The following RHBDL3 variants were observed in gnomAD, a reference collection of about 807,000 sequenced individuals.
RHBDL3 encodes the protein rhomboid-related protein 3.
Under a neutral mutation model 48.2 loss-of-function variants are expected in RHBDL3, and 28 were observed. The ratio of observed to expected loss-of-function variants is 0.58; its 90% CI spans 0.43 to 0.80. The LOEUF (loss-of-function observed/expected upper bound fraction) is 0.80. RHBDL3 is among the 30% of genes least tolerant of loss of function. The pLI is 0.00. For synonymous variants in RHBDL3, 208 were observed against 232.3 expected, an observed-to-expected ratio of 0.90 and a Z score of 0.95; for missense variants, 464 against 542.7, an observed-to-expected ratio of 0.85 and a Z score of 1.44.
chr17:32,297,542 G>A (rs751501293), intron 5 of RHBDL3, among the ~76,000 whole-genome samples: 2 of 152,022 alleles, frequency 1.3e-5, no homozygotes, highest in Non-Finnish European at 2.9e-5. Context: ...AATGGAGCAG[G>A]TCAGGCAGAT....
At chr17:32,296,999 C>A (rs1449891609) in intron 5 of RHBDL3, among the ~76,000 whole-genome samples, 2 of 151,626 alleles carry the variant, frequency 1.3e-5, no homozygotes, top group Non-Finnish European at 2.9e-5. Flanking sequence ...GGAGTACAGG[C>A]ACCTGCCACC....
intron 6 of RHBDL3, among the ~76,000 whole-genome samples, chr17:32,302,025 G>C (rs571591082): frequency 2.0e-5 from 3 of 152,302 alleles, no homozygotes; most frequent in Non-Finnish European, 4.4e-5. Context: ...CAGAATTTTG[G>C]GGTGCAGGAT....
intron 2 of RHBDL3, among the ~76,000 whole-genome samples, chr17:32,275,987 C>T (rs1303393418): frequency 6.6e-6 from 1 of 152,178 alleles, no homozygotes; most frequent in Non-Finnish European, 1.5e-5. Context: ...CTCCCAGCCC[C>T]AGCTTGAAGC....
intron 2 of RHBDL3, among the ~76,000 whole-genome samples, chr17:32,283,275 A>T (rs1478293054): frequency 6.7e-6 from 1 of 149,582 alleles, no homozygotes; most frequent in African/African-American, 2.5e-5. Flanking sequence ...AGAAATGATA[A>T]GGTCTTCTCT....
intron 2 of RHBDL3, among the ~76,000 whole-genome samples, chr17:32,278,886 C>T (rs556671805): frequency 6.6e-6 from 1 of 152,212 alleles, no homozygotes; most frequent in Admixed American, 6.5e-5. Flanking sequence ...CAGCACTTTA[C>T]GAGGCCAAAG....
rs184300334 is a variant in RHBDL3 at position 32,270,454 on chromosome 17, G to A, written c.135+2529G>A. On this transcript the variant is annotated intron_variant, in intron 2 of 8. Coordinates refer to ENST00000269051, the MANE Select transcript of RHBDL3 (RefSeq NM_138328.3). The stretch of plus-strand genomic sequence containing the variant: ...TGGAGTAGCCTTGATCTAGCATGAC[G>A]CCAACTGGACCCCAAGGGCTAGAAG... 3.9e-3 allele frequency among the ~76,000 whole-genome samples: 587 copies of A among 151,934 alleles called. 8 individuals are homozygous for A. The highest frequency in any genetic ancestry group is 0.013 in the African/African-American group (542 of 41,402).
chr17:32,294,759 G>T (rs1420863941), intron 5 of RHBDL3, among the ~76,000 whole-genome samples: 1 of 150,664 alleles, frequency 6.6e-6, no homozygotes, highest in African/African-American at 2.5e-5. Flanking sequence ...TGGCTTCCTA[G>T]AGCTTTTGCT....
At position 32,321,078 on chromosome 17, in the gene RHBDL3, T is replaced by C; in HGVS notation, c.1064T>C (p.Val355Ala). Residue 355 changes from valine to alanine, a missense_variant, in exon 9 of 9, where the codon GTG becomes GCG. Transcript: ENST00000269051. ...GGVAVGITLG[V>A]VVLRNYEQRL... Reference sequence around the variant, plus strand: ...GTGGCCGTGGGCATCACCCTGGGCGTGGTGGTCCTGAGGAACTACGAGCAG... The same window carrying C: ...GTGGCCGTGGGCATCACCCTGGGCGCGGTGGTCCTGAGGAACTACGAGCAG... 3 of 1,614,156 alleles carry C rather than the reference T, an allele frequency of 1.9e-6. No individual in the cohort carries two copies. Among genetic ancestry groups the C allele is most frequent in the Non-Finnish European group, 2.5e-6 (3 of 1,180,002 alleles).
intron 7 of RHBDL3, among the ~76,000 whole-genome samples, chr17:32,314,219 G>C (rs1052895560): frequency 6.6e-6 from 1 of 152,114 alleles, no homozygotes; most frequent in African/African-American, 2.4e-5. Flanking sequence ...AGGGGTGGCC[G>C]GTCAGTGAGG....
At chr17:32,313,486 T>C (rs2040891779) in intron 7 of RHBDL3, among the ~76,000 whole-genome samples, 1 of 152,214 alleles carries the variant, frequency 6.6e-6, no homozygotes, top group African/African-American at 2.4e-5. Context: ...TACATTCACA[T>C]TGTACAATCA....
intron 2 of RHBDL3, among the ~76,000 whole-genome samples, chr17:32,270,067 G>A (rs555740981): frequency 5.4e-5 from 8 of 149,430 alleles, no homozygotes; most frequent in Admixed American, 1.3e-4. Flanking sequence ...GGCTAACGCC[G>A]GTAATCCCAG....
intron 5 of RHBDL3, among the ~76,000 whole-genome samples, chr17:32,297,170 A>G (rs2040470393): frequency 6.6e-6 from 1 of 152,072 alleles, no homozygotes; most frequent in Middle Eastern, 3.4e-3. Flanking sequence ...AGCTCTTACA[A>G]ATAGAGCCAG....
At chr17:32,276,262 T>C (rs1160705213) in intron 2 of RHBDL3, among the ~76,000 whole-genome samples, 1 of 147,206 alleles carries the variant, frequency 6.8e-6, no homozygotes, top group African/African-American at 2.6e-5. Context: ...ACAAAAAAAA[T>C]TGTGAAAGTC....
chr17:32,305,145 G>A (rs1459711579), intron 6 of RHBDL3, among the ~76,000 whole-genome samples, 196 bp from the exon 7 acceptor site: 2 of 142,786 alleles, frequency 1.4e-5, no homozygotes, highest in African/African-American at 5.1e-5. Flanking sequence ...GAAAAGGAAA[G>A]GAAGGAAGGG....
At chr17:32,303,429 C>T (rs1691595302) in intron 6 of RHBDL3, among the ~76,000 whole-genome samples, 1 of 152,240 alleles carries the variant, frequency 6.6e-6, no homozygotes, top group Non-Finnish European at 1.5e-5. Context: ...CTTTGTCATG[C>T]AGATCCTGCT....
At chr17:32,291,648 T>G (rs2040332015) in intron 4 of RHBDL3, among the ~76,000 whole-genome samples, 1 of 151,758 alleles carries the variant, frequency 6.6e-6, no homozygotes, top group South Asian at 2.1e-4. Context: ...GCCACTGCAC[T>G]CCAGCCTGGG....
chr17:32,266,326 A>G (rs1277157506), intron 1 of RHBDL3, 26 bp downstream of exon 1: 5 of 1,289,862 alleles, frequency 3.9e-6, no homozygotes, highest in Non-Finnish European at 5.2e-6. Context: ...CCGCCCGGCA[A>G]ACTTTCTAGG....
chr17:32,321,567 T>TTTTTTAA lies in RHBDL3; in HGVS notation c.*339_*340insTTTTAAT. 2 of 453,650 alleles carry TTTTTTAA rather than the reference T, an allele frequency of 4.4e-6. No homozygotes were observed. The highest frequency in any genetic ancestry group is 3.4e-5 in the Admixed American group (1 of 29,234). The allele number at this position is 453,650 out of a possible 1,614,324, so 28.1% of individuals were successfully genotyped here. A position where few individuals can be genotyped will look rare whatever the true frequency, so the allele number is the denominator to read the frequency against. On this transcript the variant is annotated 3_prime_UTR_variant, in exon 9 of 9. Transcript: ENST00000269051. ...GGGGGTGCCCCCTCACTGCTGCGGA[T>TTTTTTAA]TGAGCAGCAGCTTCTTCCTCCTCCT...
At chr17:32,310,264 G>C (rs1363645306) in intron 7 of RHBDL3, among the ~76,000 whole-genome samples, 2 of 152,134 alleles carry the variant, frequency 1.3e-5, no homozygotes, top group African/African-American at 4.8e-5. Flanking sequence ...TTGCCTAACA[G>C]ACACTAAAGA....
Sources: gnomAD v4.1 joint callset for allele counts (sites outside exome capture counted in the v4.1 genomes callset) on GRCh38, gnomAD v4.1.1 for gene constraint, MANE v1.5 for transcripts, NCBI Gene and HGNC (gene_info 2026-07-23, HGNC 2026-07-21) for gene names.